The following UBL3 variants were observed in gnomAD, a reference collection of about 807,000 sequenced individuals.
The protein encoded by UBL3 is ubiquitin-like protein 3.
In UBL3, 6 loss-of-function variants were observed where a neutral mutation model predicts 18.4. The observed-to-expected ratio is 0.33, with a 90% CI of 0.18 to 0.64. The LOEUF (loss-of-function observed/expected upper bound fraction) is 0.64, where lower values mean the gene tolerates loss of function less well. UBL3 is among the 30% of genes least tolerant of loss of function. The pLI, the probability that UBL3 is intolerant of heterozygous loss-of-function variation, is 0.76. For synonymous variants in UBL3, 49 were observed against 46.6 expected (o/e 1.05, Z -0.21); for missense variants, 109 against 142.9 (o/e 0.76, Z 1.21).
chr13:29,767,216 A>G lies in UBL3; in HGVS notation c.*39T>C. Reference sequence around the variant, plus strand: ...GTCTTTTCTGTCCCAGCAGCATGAAAGACAAAGACTATATCACATCACACT... The same window carrying G: ...GTCTTTTCTGTCCCAGCAGCATGAAGGACAAAGACTATATCACATCACACT... On this transcript the variant is annotated 3_prime_UTR_variant, in exon 5 of 5. Transcript: ENST00000380680. The G allele has an allele frequency of 6.2e-7, 1 of 1,608,600 alleles. No homozygotes were observed. Among genetic ancestry groups the G allele is most frequent in the Non-Finnish European group, 8.5e-7 (1 of 1,176,980 alleles).
chr13:29,817,322 TTC>T (rs967973455), intron 1 of UBL3, among the ~76,000 whole-genome samples: 4 of 152,180 alleles, frequency 2.6e-5, no homozygotes, highest in African/African-American at 9.7e-5. Flanking sequence ...AGCTAAGTTT[TTC>T]TGTTTGTTTT....
chr13:29,826,701 C>T (rs1878629280), intron 1 of UBL3, among the ~76,000 whole-genome samples: 1 of 152,082 alleles, frequency 6.6e-6, no homozygotes, highest in African/African-American at 2.4e-5. Context: ...CTGCTCTGAT[C>T]TTAGTTATTT....
chr13:29,821,740 A>T (rs776295152), intron 1 of UBL3, among the ~76,000 whole-genome samples: 6 of 152,108 alleles, frequency 3.9e-5, no homozygotes, highest in Non-Finnish European at 8.8e-5. Context: ...CCATATGAAA[A>T]TTTTTTACTA....
intron 1 of UBL3, among the ~76,000 whole-genome samples, chr13:29,841,986 C>G (rs1003882611): frequency 2.6e-5 from 4 of 152,138 alleles, no homozygotes; most frequent in African/African-American, 9.7e-5. Context: ...CTTTCCAAAT[C>G]CCCTTCATTT....
At chr13:29,804,776 A>G (rs1465880413) in intron 1 of UBL3, among the ~76,000 whole-genome samples, 1 of 152,222 alleles carries the variant, frequency 6.6e-6, no homozygotes, top group Non-Finnish European at 1.5e-5. Flanking sequence ...AACAGATGTT[A>G]TTTCCAGGTG....
intron 1 of UBL3, among the ~76,000 whole-genome samples, chr13:29,788,945 G>C (rs1593656331): frequency 6.7e-6 from 1 of 150,176 alleles, no homozygotes; most frequent in South Asian, 2.1e-4. Flanking sequence ...TGTTGCCCAG[G>C]CTGGAGTGTA....
At chr13:29,831,741 A>G (rs1328616034) in intron 1 of UBL3, among the ~76,000 whole-genome samples, 23 of 152,076 alleles carry the variant, frequency 1.5e-4, no homozygotes, top group Admixed American at 1.5e-3. Context: ...AAGAGAAGAA[A>G]AAAACTAAAA....
chr13:29,789,182 A>C (rs1483083695), intron 1 of UBL3, among the ~76,000 whole-genome samples: 2 of 152,110 alleles, frequency 1.3e-5, no homozygotes, highest in South Asian at 4.1e-4. Flanking sequence ...TACAGGTGTG[A>C]GCCACCACGC....
chr13:29,841,659 T>C (rs79252098), intron 1 of UBL3, among the ~76,000 whole-genome samples: 6,909 of 152,256 alleles, frequency 0.045, 224 homozygotes, highest in Middle Eastern at 0.092. Context: ...ATTCTTAGGA[T>C]AATGTGCCTG....
At chr13:29,817,049 G>A (rs1021846930) in intron 1 of UBL3, among the ~76,000 whole-genome samples, 2 of 152,136 alleles carry the variant, frequency 1.3e-5, no homozygotes, top group African/African-American at 4.8e-5. Flanking sequence ...CTGCCATGCC[G>A]TTTCCTCATT....
chr13:29,841,853 C>T (rs1400041360), intron 1 of UBL3, among the ~76,000 whole-genome samples: 2 of 152,192 alleles, frequency 1.3e-5, no homozygotes, highest in East Asian at 1.9e-4. Flanking sequence ...GGTTGATAAT[C>T]AGACTGTGAT....
intron 1 of UBL3, among the ~76,000 whole-genome samples, chr13:29,835,156 A>C (rs1878922308): frequency 1.8e-5 from 1 of 54,926 alleles, no homozygotes; most frequent in Non-Finnish European, 3.1e-5. Context: ...ATATATATAT[A>C]TATATATATA....
intron 1 of UBL3, among the ~76,000 whole-genome samples, chr13:29,828,924 G>A (rs1265626275): frequency 1.3e-5 from 2 of 152,216 alleles, no homozygotes; most frequent in East Asian, 3.8e-4. Context: ...GTCTGTTGTA[G>A]TTTGCTGGAG....
At chr13:29,771,677 T>G (rs983827993) in intron 3 of UBL3, among the ~76,000 whole-genome samples, 2 of 152,062 alleles carry the variant, frequency 1.3e-5, no homozygotes, top group Non-Finnish European at 2.9e-5. Context: ...GCTGCTCTAA[T>G]GTCAGCCACC....
chr13:29,778,507 C>T (rs1228499096), intron 1 of UBL3, among the ~76,000 whole-genome samples: 1 of 152,140 alleles, frequency 6.6e-6, no homozygotes, highest in Non-Finnish European at 1.5e-5. Flanking sequence ...GGCCATCTAG[C>T]CTAGTTTCTT....
chr13:29,802,990 A>G (rs1688886343), intron 1 of UBL3, among the ~76,000 whole-genome samples: 1 of 152,336 alleles, frequency 6.6e-6, no homozygotes, highest in Admixed American at 6.5e-5. Context: ...ACCATCCCCA[A>G]GACACACAGT....
rs1876651610 is a variant in UBL3 at position 29,765,427 on chromosome 13, T to C, written c.*1828A>G. 1 of 152,146 alleles carries C rather than the reference T, an allele frequency of 6.6e-6. No homozygotes were observed. Among genetic ancestry groups the C allele is most frequent in the Admixed American group, 6.5e-5 (1 of 15,268 alleles). 9.4% of individuals were successfully genotyped at this position (152,146 alleles called of 1,614,324 possible). ...GGAGACTACATAATTCTATCCATTGTTGTGACTGTCCACAAATTAACCAGG... is the reference window on the plus strand; with the variant it reads ...GGAGACTACATAATTCTATCCATTGCTGTGACTGTCCACAAATTAACCAGG... On this transcript the variant is annotated 3_prime_UTR_variant, in exon 5 of 5. Transcript: ENST00000380680.
chr13:29,823,023 T>C (rs1878510972), intron 1 of UBL3, among the ~76,000 whole-genome samples: 1 of 152,208 alleles, frequency 6.6e-6, no homozygotes, highest in Non-Finnish European at 1.5e-5. Context: ...ATTTTATAAA[T>C]GGTATTATTT....
intron 1 of UBL3, among the ~76,000 whole-genome samples, chr13:29,820,169 CTTTTTTTTTTTT>C (rs36050662): frequency 1.9e-5 from 2 of 104,974 alleles, no homozygotes; most frequent in South Asian, 3.2e-4. Context: ...CTCAGAGTTC[CTTTTTTTTTTTT>C]TTTTTTTTTT....
Sources: allele counts gnomAD v4.1 joint callset (sites outside exome capture counted in the v4.1 genomes callset), GRCh38; gene constraint gnomAD v4.1.1; transcripts MANE v1.5; gene names NCBI Gene and HGNC (gene_info 2026-07-23, HGNC 2026-07-21).